The following GRM5 variants were observed in gnomAD, a reference collection of about 807,000 sequenced individuals.
The protein encoded by GRM5 is metabotropic glutamate receptor 5.
Under a neutral mutation model 83.1 loss-of-function variants are expected in GRM5, and 19 were observed. That is an observed-to-expected ratio of 0.23 (90% CI 0.16 to 0.34). The LOEUF (loss-of-function observed/expected upper bound fraction) is 0.34. Ranked by LOEUF, GRM5 falls within the 10% of genes least tolerant of loss-of-function variation. The probability of loss-of-function intolerance (pLI) is 1.00; values close to 1 mark genes in which losing one functional copy is unlikely to be tolerated. For synonymous variants in GRM5, 675 were observed against 633.6 expected (o/e 1.07, Z -0.98); for missense variants, 1,160 against 1,588.3 (o/e 0.73, Z 4.58).
rs1429721606 is a variant in GRM5, at chr11:88,856,411, C to A, written c.662-6256G>T. 3.9e-5 allele frequency among the ~76,000 whole-genome samples: 6 copies of A among 152,082 alleles called. No individual in the cohort carries two copies. In the East Asian group the frequency reaches 1.2e-3, roughly 29 times the overall value. ...ATATCACTGCCTTTCACGTCCACTT[C>A]CACATATTGCCCACTGGAAGGCCTT... On this transcript the variant is annotated intron_variant, in intron 2 of 9. Transcript: ENST00000305447.
chr11:88,768,090 G>T (rs1942658036), intron 3 of GRM5, among the ~76,000 whole-genome samples: 1 of 150,990 alleles, frequency 6.6e-6, no homozygotes, highest in Non-Finnish European at 1.5e-5. Context: ...TTCACTTCTG[G>T]GTACATACCC....
intron 2 of GRM5, among the ~76,000 whole-genome samples, chr11:88,981,852 C>G (rs1442404927): frequency 6.6e-6 from 1 of 152,098 alleles, no homozygotes; most frequent in African/African-American, 2.4e-5. Flanking sequence ...TAAATTAGAT[C>G]AGGCAAATAA....
intron 4 of GRM5, among the ~76,000 whole-genome samples, chr11:88,645,224 G>A (rs779918526): frequency 5.1e-4 from 77 of 152,100 alleles, no homozygotes; most frequent in Non-Finnish European, 1.5e-4. Flanking sequence ...AACAAAAAAT[G>A]GGGAAGTATA....
At chr11:88,726,915 G>A (rs140608677) in intron 3 of GRM5, among the ~76,000 whole-genome samples, 8,956 of 152,204 alleles carry the variant, frequency 0.059, 229 homozygotes, top group Middle Eastern at 0.086. Context: ...GGAAAAACCA[G>A]TACCGGCCAC....
intron 9 of GRM5, among the ~76,000 whole-genome samples, chr11:88,521,502 C>T (rs1312903760): frequency 6.6e-6 from 1 of 152,162 alleles, no homozygotes; most frequent in African/African-American, 2.4e-5. Context: ...GTTGAGGTTT[C>T]AGTCATTCAG....
At chr11:88,653,080 A>G (rs1939674555) in intron 4 of GRM5, 88 bp downstream of exon 4, 1 of 794,774 alleles carries the variant, frequency 1.3e-6, no homozygotes, top group Non-Finnish European at 2.1e-6. Context: ...CCCTTGTAAC[A>G]TATTACAGCC....
intron 2 of GRM5, among the ~76,000 whole-genome samples, chr11:88,884,704 G>T (rs1487268436): frequency 6.6e-6 from 1 of 152,140 alleles, no homozygotes; most frequent in Non-Finnish European, 1.5e-5. Flanking sequence ...ATGAGGGTGG[G>T]TCTTCCCTAT....
chr11:88,525,701 T>C (rs886961112), intron 8 of GRM5, among the ~76,000 whole-genome samples: 10 of 152,240 alleles, frequency 6.6e-5, no homozygotes, highest in Admixed American at 3.3e-4. Flanking sequence ...GTGCAATTTC[T>C]AGCATCTTAG....
intron 3 of GRM5, among the ~76,000 whole-genome samples, chr11:88,770,158 A>G (rs189133663): frequency 6.6e-6 from 1 of 152,044 alleles, no homozygotes; most frequent in Non-Finnish European, 1.5e-5. Flanking sequence ...ACTCATCAAA[A>G]CTTTCAAAGT....
intron 8 of GRM5, among the ~76,000 whole-genome samples, chr11:88,560,358 T>C (rs892657277): frequency 6.6e-6 from 1 of 152,164 alleles, no homozygotes. Flanking sequence ...GCTCCTATCA[T>C]GGCACTGTAT....
chr11:88,805,338 T>A (rs1943480580), intron 3 of GRM5, among the ~76,000 whole-genome samples: 1 of 152,024 alleles, frequency 6.6e-6, no homozygotes, highest in Non-Finnish European at 1.5e-5. Flanking sequence ...ATTACAGGCA[T>A]GCGCCACCAC....
At chr11:88,912,374 A>G (rs551756835) in intron 2 of GRM5, among the ~76,000 whole-genome samples, 107 of 151,696 alleles carry the variant, frequency 7.1e-4, no homozygotes, top group Middle Eastern at 3.4e-3. Flanking sequence ...ATAACATTAG[A>G]CTAGAAAACA....
chr11:88,994,813 A>T (rs1285274004), intron 2 of GRM5, among the ~76,000 whole-genome samples: 2 of 151,964 alleles, frequency 1.3e-5, no homozygotes, highest in Admixed American at 6.6e-5. Context: ...AGTTCTATTG[A>T]TATCTATAGA....
chr11:88,765,449 A>T (rs1480974535), intron 3 of GRM5, among the ~76,000 whole-genome samples: 1 of 151,024 alleles, frequency 6.6e-6, no homozygotes, highest in Admixed American at 6.6e-5. Flanking sequence ...CCAATTTAAA[A>T]CTTACTACAA....
At chr11:88,674,165 A>T (rs1940264959) in intron 3 of GRM5, among the ~76,000 whole-genome samples, 1 of 151,810 alleles carries the variant, frequency 6.6e-6, no homozygotes, top group African/African-American at 2.4e-5. Flanking sequence ...TGCATTTGAG[A>T]TGGTTGACTA....
At chr11:88,538,109 A>T (rs1942178387) in intron 8 of GRM5, among the ~76,000 whole-genome samples, 1 of 151,818 alleles carries the variant, frequency 6.6e-6, no homozygotes, top group African/African-American at 2.4e-5. Context: ...AAAAAAAAAA[A>T]AACCTCAACA....
rs1314232544 is a variant in GRM5, at chr11:88,930,013, C to T, written c.662-79858G>A. Among the ~76,000 whole-genome samples, 3 of 152,182 alleles carry T rather than the reference C, an allele frequency of 2.0e-5. No homozygotes were observed. In the East Asian group the frequency reaches 5.8e-4, roughly 29 times the overall value. ...GTCAAATTTGTTAGGCAGAAAAAAA[C>T]TGTCATCTCTCCAAACGTTTTTTGG... On this transcript the variant is annotated intron_variant, in intron 2 of 9. Transcript: ENST00000305447.
At chr11:88,749,995 A>G (rs2135425933) in intron 3 of GRM5, among the ~76,000 whole-genome samples, 1 of 152,318 alleles carries the variant, frequency 6.6e-6, no homozygotes, top group East Asian at 1.9e-4. Context: ...ACTGAAGTAC[A>G]CAGACCAGTG....
At chr11:88,789,337 T>TA (rs1462483079) in intron 3 of GRM5, among the ~76,000 whole-genome samples, 2 of 151,608 alleles carry the variant, frequency 1.3e-5, no homozygotes, top group African/African-American at 4.9e-5. Context: ...AAGTTCCATT[T>TA]AAATAACATA....
Sources: allele counts gnomAD v4.1 joint callset (sites outside exome capture counted in the v4.1 genomes callset), GRCh38; gene constraint gnomAD v4.1.1; transcripts MANE v1.5; gene names NCBI Gene and HGNC (gene_info 2026-07-23, HGNC 2026-07-21).